Variants in SNX13 observed in about 807,000 individuals in gnomAD.
SNX13 encodes sorting nexin 13, also known as sorting nexin-13.
Under a neutral mutation model 133.6 loss-of-function variants are expected in SNX13, and 45 were observed. The observed-to-expected ratio is 0.34, with a 90% confidence interval of 0.27 to 0.43. The LOEUF (loss-of-function observed/expected upper bound fraction) is 0.43. Ranked by LOEUF, SNX13 falls within the 20% of genes least tolerant of loss-of-function variation. The probability of loss-of-function intolerance (pLI) is 1.00; values close to 1 mark genes in which losing one functional copy is unlikely to be tolerated. For synonymous variants in SNX13, 414 were observed against 373.9 expected (o/e 1.11, Z -1.24); for missense variants, 1,032 against 1,145.1 (o/e 0.90, Z 1.43).
intron 17 of SNX13, among the ~76,000 whole-genome samples, chr7:17,825,378 A>T (rs1787789698): frequency 6.6e-6 from 1 of 152,158 alleles, no homozygotes; most frequent in South Asian, 2.1e-4. Context: ...CAGTATGTTT[A>T]TACTTCAGTA....
intron 9 of SNX13, among the ~76,000 whole-genome samples, chr7:17,860,427 T>C (rs959176359): frequency 6.6e-6 from 1 of 152,234 alleles, no homozygotes; most frequent in African/African-American, 2.4e-5. Flanking sequence ...TCCCATTGTA[T>C]AGGGTACCTT....
intron 1 of SNX13, chr7:17,899,695 T>C (rs1250678815): frequency 6.6e-6 from 1 of 152,110 alleles, no homozygotes; most frequent in Non-Finnish European, 1.5e-5. Context: ...GATAAGATTC[T>C]GAATTCCTTC....
chr7:17,890,592 C>T (rs768795297), intron 4 of SNX13, 108 bp from the exon 5 acceptor site: 30 of 691,090 alleles, frequency 4.3e-5, no homozygotes, highest in South Asian at 1.0e-4. Flanking sequence ...TTACTCTCTA[C>T]GTATTAATTT....
intron 5 of SNX13, chr7:17,882,841 T>C: frequency 7.8e-7 from 1 of 1,282,412 alleles, no homozygotes; most frequent in Non-Finnish European, 1.0e-6. Flanking sequence ...GGAGACACAG[T>C]GAGACCAAGG....
chr7:17,813,158 T>C (rs1478142558), intron 20 of SNX13, among the ~76,000 whole-genome samples: 1 of 152,114 alleles, frequency 6.6e-6, no homozygotes, highest in African/African-American at 2.4e-5. Flanking sequence ...TGTTGGGACA[T>C]ACACGTGTGC....
chr7:17,824,105 G>A (rs1275174993), intron 17 of SNX13, among the ~76,000 whole-genome samples: 2 of 151,946 alleles, frequency 1.3e-5, no homozygotes, highest in Non-Finnish European at 2.9e-5. Context: ...TTAGCTAGAA[G>A]GGTTTGTTTT....
chr7:17,834,369 G>GA (rs1171922747), intron 14 of SNX13, among the ~76,000 whole-genome samples, 185 bp from the exon 15 acceptor site: 1 of 151,472 alleles, frequency 6.6e-6, no homozygotes, highest in Non-Finnish European at 1.5e-5. Flanking sequence ...AAATTATATT[G>GA]AAAAAAATCC....
At chr7:17,838,057 A>G (rs988591873) in intron 13 of SNX13, among the ~76,000 whole-genome samples, 1 of 151,978 alleles carries the variant, frequency 6.6e-6, no homozygotes, top group Admixed American at 6.6e-5. Flanking sequence ...TTTTCATTCA[A>G]AAAGTATTTC....
intron 20 of SNX13, among the ~76,000 whole-genome samples, chr7:17,810,235 A>C (rs910139416): frequency 1.2e-4 from 19 of 152,288 alleles, no homozygotes; most frequent in African/African-American, 4.6e-4. Context: ...CAGACTAATA[A>C]AGAAGAAAAG....
chr7:17,920,471 GCTTT>G (rs940880754), intron 1 of SNX13, among the ~76,000 whole-genome samples: 65 of 152,234 alleles, frequency 4.3e-4, no homozygotes, highest in African/African-American at 1.5e-3. Flanking sequence ...ACTTTTAAAA[GCTTT>G]CTTTAATTGT....
chr7:17,845,788 C>T (rs546047115), intron 11 of SNX13, 94 bp from the exon 12 acceptor site: 42 of 814,158 alleles, frequency 5.2e-5, no homozygotes, highest in African/African-American at 8.9e-5. Context: ...CAAGCTAAAA[C>T]GGAGTAAAGA....
chr7:17,905,887 C>T (rs1188926299), intron 1 of SNX13, among the ~76,000 whole-genome samples: 1 of 152,160 alleles, frequency 6.6e-6, no homozygotes, highest in Non-Finnish European at 1.5e-5. Flanking sequence ...CTTAATGCAG[C>T]CTCCAATTCT....
chr7:17,867,717 C>T (rs1428948202), intron 9 of SNX13, among the ~76,000 whole-genome samples: 2 of 151,846 alleles, frequency 1.3e-5, no homozygotes, highest in Non-Finnish European at 2.9e-5. Flanking sequence ...GAAAGCTACA[C>T]TGAGTTAAAG....
intron 18 of SNX13, among the ~76,000 whole-genome samples, chr7:17,819,249 T>C (rs1787010583): frequency 6.6e-6 from 1 of 152,196 alleles, no homozygotes; most frequent in South Asian, 2.1e-4. Flanking sequence ...ATTCATTCAT[T>C]TATCCATTCA....
intron 13 of SNX13, among the ~76,000 whole-genome samples, chr7:17,836,767 T>C (rs1187195527): frequency 2.6e-5 from 4 of 152,044 alleles, no homozygotes; most frequent in African/African-American, 9.7e-5. Flanking sequence ...TAAAACTCTA[T>C]TGGATACTTA....
intron 2 of SNX13, among the ~76,000 whole-genome samples, chr7:17,896,343 A>G (rs1048032069): frequency 6.6e-6 from 1 of 152,202 alleles, no homozygotes; most frequent in Non-Finnish European, 1.5e-5. Context: ...TAGCTGCTCA[A>G]TTAAAGAAAT....
At chr7:17,835,977 G>A (rs533115961) in intron 13 of SNX13, among the ~76,000 whole-genome samples, 176 of 151,978 alleles carry the variant, frequency 1.2e-3, no homozygotes, top group Admixed American at 3.6e-3. Context: ...AGAGGAATAT[G>A]ATGTTACTTG....
chr7:17,909,202 A>G (rs946128255), intron 1 of SNX13, among the ~76,000 whole-genome samples: 3 of 152,176 alleles, frequency 2.0e-5, no homozygotes, highest in African/African-American at 4.8e-5. Context: ...GTCAAGAAAC[A>G]ACAGATGCTA....
At chr7:17,845,909 AT>A (rs1343947136) in intron 11 of SNX13, among the ~76,000 whole-genome samples, 1 of 152,212 alleles carries the variant, frequency 6.6e-6, no homozygotes, top group Non-Finnish European at 1.5e-5. Context: ...CACATTAAAA[AT>A]AATAGCATTC....
Sources: allele counts gnomAD v4.1 joint callset (sites outside exome capture counted in the v4.1 genomes callset), GRCh38; gene constraint gnomAD v4.1.1; transcripts MANE v1.5; gene names NCBI Gene and HGNC (gene_info 2026-07-23, HGNC 2026-07-21).